The following CEP112 variants were observed in gnomAD, a reference collection of about 807,000 sequenced individuals.
The protein encoded by CEP112 is centrosomal protein 112.
A neutral mutation model predicts 153.0 loss-of-function variants in CEP112; 127 were observed. The ratio of observed to expected loss-of-function variants is 0.83; its 90% CI spans 0.72 to 0.96. The LOEUF (loss-of-function observed/expected upper bound fraction) is 0.96. Ranked by LOEUF, CEP112 falls within the 40% of genes least tolerant of loss-of-function variation. CEP112 has a pLI of 0.00. For synonymous variants in CEP112, 358 were observed against 374.4 expected (o/e 0.96, Z 0.51); for missense variants, 1,089 against 1,101.2 (o/e 0.99, Z 0.16).
chr17:65,977,837 G>A (rs908321200), intron 17 of CEP112, among the ~76,000 whole-genome samples: 2 of 152,186 alleles, frequency 1.3e-5, no homozygotes, highest in Admixed American at 1.3e-4. Flanking sequence ...CACTTTGGGA[G>A]GCTGAGGCAG....
intron 6 of CEP112, among the ~76,000 whole-genome samples, chr17:66,098,841 T>C (rs117085802): frequency 0.01 from 1,574 of 152,228 alleles, 14 homozygotes; most frequent in Non-Finnish European, 0.017. Context: ...AACATGTAGG[T>C]GGCCAAATAA....
intron 21 of CEP112, chr17:65,826,291 A>G (rs780240239): frequency 7.4e-6 from 12 of 1,614,004 alleles, no homozygotes; most frequent in Middle Eastern, 1.6e-4. Flanking sequence ...AACTCAGAGA[A>G]GCCCACATCT....
intron 4 of CEP112, among the ~76,000 whole-genome samples, chr17:66,167,124 C>A (rs1166656341): frequency 3.9e-5 from 6 of 152,100 alleles, no homozygotes; most frequent in African/African-American, 1.4e-4. Flanking sequence ...AACCTTTCTG[C>A]AGAGTCATAA....
In CEP112 at chr17:65,764,977, T is replaced by C. The variant is rs62062338; in HGVS notation, c.2395-14253A>G. On this transcript the variant is annotated intron_variant, in intron 21 of 26. Transcript: ENST00000535342. ...CACAAGGCTTACGTAAAATGTCTTA[T>C]AGTTATATAATAATTGACTATTTTA... 4.6e-3 allele frequency among the ~76,000 whole-genome samples: 567 copies of C among 122,562 alleles called. 1 individual carries two copies. The highest frequency in any genetic ancestry group is 7.1e-3 in the Non-Finnish European group (435 of 61,402). 80.4% of individuals were successfully genotyped at this position (122,562 alleles called of 152,430 possible).
chr17:66,060,726 T>C (rs1034934230), intron 11 of CEP112, among the ~76,000 whole-genome samples: 1 of 152,146 alleles, frequency 6.6e-6, no homozygotes. Flanking sequence ...AAATTAGACC[T>C]GTATTTCTCA....
chr17:65,937,597 G>A (rs1406907917), intron 18 of CEP112, among the ~76,000 whole-genome samples: 15 of 99,360 alleles, frequency 1.5e-4, no homozygotes, highest in East Asian at 9.8e-4. Context: ...CCGGCCAGCC[G>A]CCCCGTCCGG....
At chr17:66,156,317 TA>T (rs1379483458) in intron 4 of CEP112, among the ~76,000 whole-genome samples, 5 of 151,492 alleles carry the variant, frequency 3.3e-5, no homozygotes, top group Non-Finnish European at 5.9e-5. Context: ...AACTAACAAA[TA>T]GAAAGGAATA....
chr17:65,923,193 G>A (rs7215867), intron 19 of CEP112, among the ~76,000 whole-genome samples: 5,710 of 152,054 alleles, frequency 0.038, 321 homozygotes, highest in African/African-American at 0.12. Flanking sequence ...CCATTGCACC[G>A]GCTTTTGCAG....
At chr17:65,937,205 G>A (rs1194624612) in intron 18 of CEP112, among the ~76,000 whole-genome samples, 1 of 135,744 alleles carries the variant, frequency 7.4e-6, no homozygotes, top group African/African-American at 2.7e-5. Context: ...GCCTCCCAAA[G>A]TGCCGAGATT....
chr17:65,979,938 A>G (rs566935752), intron 17 of CEP112, among the ~76,000 whole-genome samples: 1 of 152,244 alleles, frequency 6.6e-6, no homozygotes, highest in Non-Finnish European at 1.5e-5. Flanking sequence ...ATTCTAAACT[A>G]CACGATTTCG....
At chr17:65,916,250 A>AGTGTGTGTGTGTGTGTGTGTGTGTGTGT (rs3222034) in intron 19 of CEP112, among the ~76,000 whole-genome samples, 2 of 129,878 alleles carry the variant, frequency 1.5e-5, no homozygotes, top group East Asian at 2.3e-4. Context: ...TTTGAAAAAG[A>AGTGTGTGTGTGTGTGTGTGTGTGTGTGT]GTGTGTGTGT....
chr17:65,981,627 G>T (rs1822370), intron 17 of CEP112, among the ~76,000 whole-genome samples: 79,113 of 151,950 alleles, frequency 0.52, 21,596 homozygotes, highest in African/African-American at 0.6. Flanking sequence ...CAGGCTGGAA[G>T]GCAGTGGCAC....
intron 24 of CEP112, among the ~76,000 whole-genome samples, chr17:65,643,056 C>T (rs1031965868): frequency 1.3e-5 from 2 of 152,102 alleles, no homozygotes; most frequent in African/African-American, 4.8e-5. Flanking sequence ...GGATTCCCTG[C>T]CCACTGGCCA....
intron 19 of CEP112, among the ~76,000 whole-genome samples, chr17:65,921,044 T>C (rs1359016895): frequency 1.3e-5 from 2 of 152,020 alleles, no homozygotes; most frequent in African/African-American, 4.8e-5. Flanking sequence ...TCCCTTATCA[T>C]CCTCGACTGA....
intron 23 of CEP112, among the ~76,000 whole-genome samples, chr17:65,703,517 A>G (rs1053875928): frequency 3.4e-5 from 2 of 59,134 alleles, no homozygotes; most frequent in Non-Finnish European, 8.3e-5. Context: ...TCTCAAAAAA[A>G]AGAAGGAAAA....
At chr17:65,652,330 C>A (rs1311068687) in intron 24 of CEP112, among the ~76,000 whole-genome samples, 1 of 151,922 alleles carries the variant, frequency 6.6e-6, no homozygotes, top group Non-Finnish European at 1.5e-5. Flanking sequence ...CTTCTCTGTG[C>A]CTCAGTTTTC....
chr17:66,075,486 AT>A (rs1360102101), intron 8 of CEP112, among the ~76,000 whole-genome samples: 2 of 152,172 alleles, frequency 1.3e-5, no homozygotes, highest in African/African-American at 2.4e-5. Flanking sequence ...TAACAAAAAA[AT>A]AACTAAAAAT....
intron 6 of CEP112, among the ~76,000 whole-genome samples, chr17:66,128,893 A>T (rs2069990532): frequency 6.6e-6 from 1 of 152,194 alleles, no homozygotes; most frequent in Admixed American, 6.5e-5. Flanking sequence ...ATAAAAACAC[A>T]CAGAAAAAAG....
chr17:65,747,073 CA>C (rs2051519031), intron 22 of CEP112, among the ~76,000 whole-genome samples: 1 of 138,118 alleles, frequency 7.2e-6, no homozygotes, highest in Admixed American at 7.0e-5. Context: ...AAAAAAAAAA[CA>C]AAAACAGGAT....
Sources: gnomAD v4.1 joint callset for allele counts (sites outside exome capture counted in the v4.1 genomes callset) on GRCh38, gnomAD v4.1.1 for gene constraint, MANE v1.5 for transcripts, NCBI Gene and HGNC (gene_info 2026-07-23, HGNC 2026-07-21) for gene names.